The following PIAS1 variants were observed in gnomAD, a reference collection of about 807,000 sequenced individuals.
PIAS1 encodes the protein protein inhibitor of activated STAT 1.
In PIAS1, 6 loss-of-function variants were observed where a neutral mutation model predicts 71.3. The observed-to-expected ratio is 0.08, with a 90% CI of 0.05 to 0.17. The LOEUF (loss-of-function observed/expected upper bound fraction) is 0.17. Among genes scored for constraint, PIAS1 ranks in the 10% least tolerant of loss-of-function variants. The pLI is 1.00. For missense variants in PIAS1, 555 were observed against 793.6 expected (o/e 0.70, Z 3.61); for synonymous variants, 303 against 292.9 (o/e 1.03, Z -0.35).
rs533351895 is a variant in PIAS1 at position 68,185,249 on chromosome 15, A to G, written c.1662+1582A>G. Among the ~76,000 whole-genome samples, 1 of 152,316 alleles carries G rather than the reference A, an allele frequency of 6.6e-6. No individual in the cohort carries two copies. The highest frequency in any genetic ancestry group is 1.9e-4 in the East Asian group (1 of 5,192). ...TGCAACTGAAAAACACCGAGAGGAC[A>G]CTGATGCAATTCTGGAAGGTTTACA... On this transcript the variant is annotated intron_variant, in intron 13 of 13. Coordinates refer to ENST00000249636, the MANE Select transcript of PIAS1 (RefSeq NM_016166.3). This position sits in a 1 kb window ranked among gnomAD's most constrained non-coding sequence, Gnocchi z 4.4.
chr15:68,172,553 A>G (rs768395956), intron 8 of PIAS1, among the ~76,000 whole-genome samples: 4 of 152,212 alleles, frequency 2.6e-5, no homozygotes, highest in Non-Finnish European at 4.4e-5. Flanking sequence ...AAGCATTCCT[A>G]TTTCTCCACA....
intron 12 of PIAS1, chr15:68,181,580 C>T: frequency 2.3e-6 from 1 of 441,094 alleles, no homozygotes; most frequent in Non-Finnish European, 4.1e-6. Flanking sequence ...AAAACTAGTG[C>T]AATAATCTTT....
At chr15:68,078,807 A>G (rs2092197423) in intron 1 of PIAS1, among the ~76,000 whole-genome samples, 1 of 152,236 alleles carries the variant, frequency 6.6e-6, no homozygotes, top group African/African-American at 2.4e-5. Flanking sequence ...TTACTGGTAC[A>G]TTATAAGTAT....
Position 68,077,414 on chromosome 15 carries a change from G to T in PIAS1, c.25-8892G>T, listed in dbSNP as rs74341025. On this transcript the variant is annotated intron_variant, in intron 1 of 13. Transcript: ENST00000249636. ...AGGGGTCTAGCTAGTTGAAGGAAAA[G>T]AGTCCTTTTAACACATTTTAAGCAT... is the stretch of plus-strand genomic sequence containing the variant. Among the ~76,000 whole-genome samples, 848 of 152,328 alleles carry T rather than the reference G, an allele frequency of 5.6e-3. 10 individuals are homozygous for T. Among genetic ancestry groups the T allele is most frequent in the African/African-American group, 0.019 (809 of 41,568 alleles).
Position 68,107,391 on chromosome 15 carries a change from T to TA in PIAS1, c.469+20642dup, listed in dbSNP as rs200269306. ...TCTTCTTAGGGGAAAGTGACCATAA[T>TA]AGTGTGTAAGATTGAGTTACCTTAA... is the stretch of plus-strand genomic sequence containing the variant. On this transcript the variant is annotated intron_variant, in intron 2 of 13. Transcript: ENST00000249636. Among the ~76,000 whole-genome samples, 931 of 152,324 alleles carry TA rather than the reference T, an allele frequency of 6.1e-3. 4 individuals carry two copies. Among genetic ancestry groups the TA allele is most frequent in the East Asian group, 0.032 (167 of 5,188 alleles).
At chr15:68,072,082 C>A (rs937869503) in intron 1 of PIAS1, among the ~76,000 whole-genome samples, 1 of 151,308 alleles carries the variant, frequency 6.6e-6, no homozygotes. Flanking sequence ...ATGTGGATAT[C>A]TGTGTAAGAG....
intron 1 of PIAS1, among the ~76,000 whole-genome samples, chr15:68,074,779 CT>C (rs1368779849): frequency 1.3e-5 from 2 of 150,672 alleles, no homozygotes; most frequent in Non-Finnish European, 3.0e-5. Context: ...GATAGATAAA[CT>C]TTGTTTTTCT....
At chr15:68,090,071 G>T (rs1345921828) in intron 2 of PIAS1, among the ~76,000 whole-genome samples, 1 of 151,312 alleles carries the variant, frequency 6.6e-6, no homozygotes, top group African/African-American at 2.4e-5. Flanking sequence ...GTAGAGTCAG[G>T]GTCTCATCAT....
intron 8 of PIAS1, among the ~76,000 whole-genome samples, chr15:68,168,685 AAAAT>A (rs1360114959): frequency 1.3e-5 from 2 of 152,160 alleles, no homozygotes; most frequent in Non-Finnish European, 2.9e-5. Flanking sequence ...TTTTTTAAAA[AAAAT>A]CAGGAATATG....
intron 7 of PIAS1, among the ~76,000 whole-genome samples, chr15:68,161,487 G>GT (rs2092923960): frequency 1.3e-5 from 2 of 148,662 alleles, no homozygotes; most frequent in Non-Finnish European, 3.0e-5. Context: ...AGAAGGCATA[G>GT]GTTTTTTTTT....
At chr15:68,141,871 G>A (rs1471531451) in intron 2 of PIAS1, 75 bp from the exon 3 acceptor site, 6 of 834,896 alleles carry the variant, frequency 7.2e-6, no homozygotes, top group African/African-American at 5.7e-5. Context: ...AAAGACATGT[G>A]TGTTTTTTTT....
chr15:68,115,031 G>T (rs1036630717), intron 2 of PIAS1, among the ~76,000 whole-genome samples: 3 of 152,082 alleles, frequency 2.0e-5, no homozygotes, highest in Non-Finnish European at 1.5e-5. Context: ...CATGACCATT[G>T]TAAGTACCCT....
intron 2 of PIAS1, among the ~76,000 whole-genome samples, chr15:68,090,256 G>A (rs1055400988): frequency 1.3e-4 from 19 of 151,946 alleles, no homozygotes; most frequent in South Asian, 6.2e-4. Flanking sequence ...AGGCTGGAAT[G>A]TGGCGGCGAG....
chr15:68,185,817 C>G lies in PIAS1; in HGVS notation c.1663-1725C>G, dbSNP rs1017273361. On this transcript the variant is annotated intron_variant, in intron 13 of 13. Transcript: ENST00000249636. This position sits in a 1 kb window ranked among gnomAD's most constrained non-coding sequence, Gnocchi z 4.4. ...TCTCTACTAAAAATACAAAAATTAG[C>G]TGGGCGTGGTGCTACACGCCTGTAA... Among the ~76,000 whole-genome samples the G allele has an allele frequency of 6.6e-6, 1 of 152,074 alleles. No homozygotes were observed. The highest frequency in any genetic ancestry group is 1.5e-5 in the Non-Finnish European group (1 of 68,018).
At chr15:68,128,245 A>G (rs2141028165) in intron 2 of PIAS1, among the ~76,000 whole-genome samples, 1 of 152,236 alleles carries the variant, frequency 6.6e-6, no homozygotes, top group African/African-American at 2.4e-5. Context: ...AGCTCATTGC[A>G]GTCTCAACCT....
Position 68,174,567 on chromosome 15 carries a change from G to A in PIAS1, c.1169+675G>A, listed in dbSNP as rs963310815. Among the ~76,000 whole-genome samples the A allele has an allele frequency of 1.3e-5, 2 of 152,076 alleles. No individual in the cohort carries two copies. The highest frequency in any genetic ancestry group is 2.9e-5 in the Non-Finnish European group (2 of 68,020). ...GATGGGGGGTTAGAGACAGAGTCTTGCCATTTTGCCCAGGCTGCTCTCGAA... is the reference window on the plus strand; with the variant it reads ...GATGGGGGGTTAGAGACAGAGTCTTACCATTTTGCCCAGGCTGCTCTCGAA... On this transcript the variant is annotated intron_variant, in intron 9 of 13. Coordinates refer to ENST00000249636, the MANE Select transcript of PIAS1 (RefSeq NM_016166.3). This position sits in a 1 kb window ranked among gnomAD's most constrained non-coding sequence, Gnocchi z 4.0.
intron 2 of PIAS1, among the ~76,000 whole-genome samples, chr15:68,128,381 T>G (rs1567054441): frequency 6.6e-6 from 1 of 152,034 alleles, no homozygotes. Flanking sequence ...TGCCCAGGCT[T>G]AAATGATCCA....
chr15:68,158,559 A>G (rs2092905718), intron 7 of PIAS1, among the ~76,000 whole-genome samples: 1 of 152,060 alleles, frequency 6.6e-6, no homozygotes, highest in Admixed American at 6.6e-5. Context: ...TTGGAGGAGG[A>G]ATTTAATCTT....
Position 68,054,317 on chromosome 15 carries a change from C to T in PIAS1, c.-10C>T, listed in dbSNP as rs746510123. 4.3e-5 allele frequency: 67 copies of T among 1,567,406 alleles called. No individual in the cohort carries two copies. Among genetic ancestry groups the T allele is most frequent in the African/African-American group, 5.5e-5 (4 of 73,372 alleles). On this transcript the variant is annotated 5_prime_UTR_variant, in exon 1 of 14. Transcript: ENST00000249636. This position sits in a 1 kb window ranked among gnomAD's most constrained non-coding sequence, Gnocchi z 4.6. ...GCGAAGTTCACTGCGCTTGCGCTGA[C>T]AGACGCAAGATGGCGGACAGTGCGG...
Sources: gnomAD v4.1 joint callset for allele counts (sites outside exome capture counted in the v4.1 genomes callset) on GRCh38, gnomAD v4.1.1 for gene constraint, Gnocchi (gnomAD v3.1) non-coding constraint, MANE v1.5 for transcripts, NCBI Gene and HGNC (gene_info 2026-07-23, HGNC 2026-07-21) for gene names.